Variants in FCHSD2 observed in about 807,000 individuals in gnomAD.
The protein encoded by FCHSD2 is FCH and double SH3 domains 2, also known as F-BAR and double SH3 domains protein 2.
FCHSD2 carries 38 observed loss-of-function variants against 108.1 expected under a neutral mutation model. The ratio of observed to expected loss-of-function variants is 0.35; its 90% CI spans 0.27 to 0.46. The LOEUF is 0.46. FCHSD2 is among the 20% of genes least tolerant of loss of function. FCHSD2 has a pLI of 1.00. For missense variants in FCHSD2, 751 were observed against 897.8 expected (o/e 0.84, Z 2.09); for synonymous variants, 279 against 314.7 (o/e 0.89, Z 1.20).
At chr11:73,008,641 T>C (rs1857794288) in intron 4 of FCHSD2, among the ~76,000 whole-genome samples, 1 of 152,208 alleles carries the variant, frequency 6.6e-6, no homozygotes, top group South Asian at 2.1e-4. Flanking sequence ...GCCAGGTTTC[T>C]TCATGGTTTT....
At chr11:72,929,008 T>C (rs1340401953) in intron 8 of FCHSD2, among the ~76,000 whole-genome samples, 1 of 152,146 alleles carries the variant, frequency 6.6e-6, no homozygotes, top group African/African-American at 2.4e-5. Context: ...TTGCTGAGAA[T>C]GGTGGTTTCC....
intron 13 of FCHSD2, among the ~76,000 whole-genome samples, chr11:72,865,869 T>G (rs1854708983): frequency 6.6e-6 from 1 of 152,182 alleles, no homozygotes; most frequent in Non-Finnish European, 1.5e-5. Flanking sequence ...TACACAGTAG[T>G]CCAGTCATAC....
At chr11:73,097,562 T>C (rs940737225) in intron 2 of FCHSD2, among the ~76,000 whole-genome samples, 1 of 151,350 alleles carries the variant, frequency 6.6e-6, no homozygotes, top group African/African-American at 2.4e-5. Flanking sequence ...ATTAACTGTT[T>C]GGTAGAATTC....
At chr11:72,879,642 C>G (rs1162649820) in intron 12 of FCHSD2, among the ~76,000 whole-genome samples, 1 of 152,068 alleles carries the variant, frequency 6.6e-6, no homozygotes, top group Non-Finnish European at 1.5e-5. Context: ...ATGGCCTTAA[C>G]AGTAGTTTAT....
chr11:72,895,635 G>C (rs188461678), intron 10 of FCHSD2, among the ~76,000 whole-genome samples: 2 of 152,206 alleles, frequency 1.3e-5, no homozygotes, highest in African/African-American at 4.8e-5. Context: ...CAGGAGAAAG[G>C]TGACTAAACC....
chr11:72,873,873 A>C (rs550481058), intron 12 of FCHSD2, among the ~76,000 whole-genome samples: 17 of 152,360 alleles, frequency 1.1e-4, no homozygotes, highest in Admixed American at 2.6e-4. Context: ...ACAAAACTGA[A>C]GCTTAACCAA....
chr11:72,893,995 C>A (rs939342014), intron 10 of FCHSD2, among the ~76,000 whole-genome samples: 3 of 152,122 alleles, frequency 2.0e-5, no homozygotes, highest in Non-Finnish European at 4.4e-5. Flanking sequence ...GCAGAGTGAG[C>A]AGCGATAGAA....
chr11:72,910,295 C>T (rs752965815), intron 9 of FCHSD2, among the ~76,000 whole-genome samples: 2 of 152,220 alleles, frequency 1.3e-5, no homozygotes, highest in South Asian at 4.1e-4. Context: ...TTTGTCCGGC[C>T]GCCCCGTCTG....
chr11:72,840,190 A>C (rs1284398917), intron 19 of FCHSD2, among the ~76,000 whole-genome samples: 3 of 152,206 alleles, frequency 2.0e-5, no homozygotes, highest in Non-Finnish European at 4.4e-5. Flanking sequence ...AACACTGTCC[A>C]GCTTACCACT....
intron 3 of FCHSD2, among the ~76,000 whole-genome samples, chr11:73,022,266 C>A (rs557176293): frequency 6.6e-6 from 1 of 151,596 alleles, no homozygotes; most frequent in Non-Finnish European, 1.5e-5. Flanking sequence ...CTACTTAGTA[C>A]AATAAGGCAA....
Position 72,924,084 on chromosome 11 carries a change from A to G in FCHSD2, c.706-2134T>C, listed in dbSNP as rs149878215. On this transcript the variant is annotated intron_variant, in intron 8 of 19. Coordinates refer to ENST00000409418, the MANE Select transcript of FCHSD2 (RefSeq NM_014824.3). ...TGGGCTGTCTTTTCACTTTCTTGAA[A>G]GTTTCTTTTGATGTACAAAAGTTTT... Among the ~76,000 whole-genome samples the G allele has an allele frequency of 1.1e-4, 17 of 151,622 alleles. 2 individuals are homozygous for G. In the East Asian group the frequency reaches 2.5e-3, roughly 22 times the overall value.
In FCHSD2 at chr11:73,093,046, G is replaced by A. The variant is rs191989417; in HGVS notation, c.120-9306C>T. The stretch of plus-strand genomic sequence containing the variant: ...AACCTCTGGAGAGGCTGGAGGCTAA[G>A]GCCAGCCGCATGAGTAGTAATCATG... On this transcript the variant is annotated intron_variant, in intron 2 of 19. Transcript: ENST00000409418. 9.7e-4 allele frequency among the ~76,000 whole-genome samples: 147 copies of A among 152,256 alleles called. 1 individual carries two copies. The highest frequency in any genetic ancestry group is 3.4e-3 in the Middle Eastern group (1 of 294).
chr11:72,991,011 A>G (rs1441053250), intron 5 of FCHSD2, among the ~76,000 whole-genome samples: 1 of 152,218 alleles, frequency 6.6e-6, no homozygotes, highest in African/African-American at 2.4e-5. Flanking sequence ...CAGACGCAAT[A>G]AAAAATGATA....
intron 5 of FCHSD2, among the ~76,000 whole-genome samples, chr11:72,998,321 C>G (rs1857559139): frequency 6.6e-6 from 1 of 152,138 alleles, no homozygotes; most frequent in Non-Finnish European, 1.5e-5. Flanking sequence ...AGGCAGATCA[C>G]TTGAGGTCAG....
At chr11:73,035,356 C>T (rs530918101) in intron 3 of FCHSD2, among the ~76,000 whole-genome samples, 12 of 152,074 alleles carry the variant, frequency 7.9e-5, no homozygotes, top group African/African-American at 2.9e-4. Context: ...TTTGTAGAGA[C>T]GGGGGTCTCA....
At chr11:72,984,688 G>A (rs1030690583) in intron 7 of FCHSD2, among the ~76,000 whole-genome samples, 7 of 152,168 alleles carry the variant, frequency 4.6e-5, no homozygotes, top group Non-Finnish European at 8.8e-5. Flanking sequence ...TGAAGTTTCC[G>A]AAGGAAAAAC....
intron 2 of FCHSD2, among the ~76,000 whole-genome samples, chr11:73,087,171 G>GATTA (rs1329784563): frequency 2.0e-5 from 3 of 151,984 alleles, no homozygotes; most frequent in African/African-American, 7.3e-5. Flanking sequence ...TGTAGGCCTA[G>GATTA]GTTAATGTAT....
intron 3 of FCHSD2, among the ~76,000 whole-genome samples, chr11:73,069,390 TAAGA>T (rs1262329818): frequency 1.6e-5 from 2 of 122,078 alleles, no homozygotes; most frequent in Non-Finnish European, 3.6e-5. Context: ...TTTAAAAGAA[TAAGA>T]AATTACAAAA....
chr11:72,936,709 C>T (rs993279626), intron 8 of FCHSD2, among the ~76,000 whole-genome samples: 1 of 152,194 alleles, frequency 6.6e-6, no homozygotes, highest in Admixed American at 6.5e-5. Flanking sequence ...CTGCTGAACA[C>T]TTATAGTATA....
Sources: allele counts gnomAD v4.1 joint callset (sites outside exome capture counted in the v4.1 genomes callset), GRCh38; gene constraint gnomAD v4.1.1; transcripts MANE v1.5; gene names NCBI Gene and HGNC (gene_info 2026-07-23, HGNC 2026-07-21).